PIK3C3: variants seen among roughly 807,000 people sequenced by gnomAD.
PIK3C3 encodes PI3-kinase type 3.
In PIK3C3, 95 loss-of-function variants were observed where a neutral mutation model predicts 126.1. That is an observed-to-expected ratio of 0.75 (90% CI 0.64 to 0.89). The LOEUF is 0.89. Ranked by LOEUF, PIK3C3 falls within the 40% of genes least tolerant of loss-of-function variation. The pLI, the probability that PIK3C3 is intolerant of heterozygous loss-of-function variation, is 0.00. For synonymous variants in PIK3C3, 374 were observed against 360.0 expected, an observed-to-expected ratio of 1.04 and a Z score of -0.44; for missense variants, 829 against 1,063.2, an observed-to-expected ratio of 0.78 and a Z score of 3.06.
At chr18:41,967,874 G>GC (rs1239711477) in intron 3 of PIK3C3, among the ~76,000 whole-genome samples, 4 of 152,194 alleles carry the variant, frequency 2.6e-5, no homozygotes, top group African/African-American at 9.7e-5. Flanking sequence ...ATCAACAGCA[G>GC]CTGTTGCTGG....
chr18:42,020,620 T>C lies in PIK3C3; in HGVS notation c.1417-18T>C. 2 of 1,541,356 alleles carry C rather than the reference T, an allele frequency of 1.3e-6. No homozygotes were observed. The highest frequency in any genetic ancestry group is 1.2e-5 in the South Asian group (1 of 85,670). ...TAGTAGATGATAATATATAATACAT[T>C]TCTTTTAATTCTTTCAGCAAGATCT... On this transcript the variant is annotated intron_variant, in intron 12 of 24. Transcript: ENST00000262039.
chr18:41,960,141 A>G (rs1980005583), intron 2 of PIK3C3, among the ~76,000 whole-genome samples: 1 of 152,320 alleles, frequency 6.6e-6, no homozygotes, highest in African/African-American at 2.4e-5. Context: ...TGAGAGTTCT[A>G]ATAATGAGGA....
At chr18:42,075,987 T>A (rs1985956784) in intron 24 of PIK3C3, among the ~76,000 whole-genome samples, 1 of 148,956 alleles carries the variant, frequency 6.7e-6, no homozygotes, top group Non-Finnish European at 1.5e-5. Context: ...CCATCAGTAC[T>A]GAAAATCTGT....
rs577905413 is a variant in PIK3C3, at chr18:41,994,548, G to A, written c.786+1207G>A. Among the ~76,000 whole-genome samples, 5 of 151,898 alleles carry A rather than the reference G, an allele frequency of 3.3e-5. No individual in the cohort carries two copies. In the East Asian group the frequency reaches 9.7e-4, roughly 29 times the overall value. On this transcript the variant is annotated intron_variant, in intron 7 of 24. Coordinates refer to ENST00000262039, the MANE Select transcript of PIK3C3 (RefSeq NM_002647.4). Reference sequence around the variant, plus strand: ...ACACACATGTGTAAACCAATATACTGGTTGAACAGAATTAAAAGCCCAGAA... The same window carrying A: ...ACACACATGTGTAAACCAATATACTAGTTGAACAGAATTAAAAGCCCAGAA...
chr18:42,050,830 C>T (rs957532894), intron 21 of PIK3C3: 1 of 152,208 alleles, frequency 6.6e-6, no homozygotes. Context: ...CCACTCCTGC[C>T]TCAGACAAGA....
chr18:42,035,412 A>G (rs1173823156), intron 16 of PIK3C3, among the ~76,000 whole-genome samples: 1 of 152,256 alleles, frequency 6.6e-6, no homozygotes, highest in South Asian at 2.1e-4. Flanking sequence ...AGTGGACTAT[A>G]AGAAGATATA....
At chr18:42,055,780 G>T (rs984361394) in intron 21 of PIK3C3, among the ~76,000 whole-genome samples, 1 of 151,968 alleles carries the variant, frequency 6.6e-6, no homozygotes, top group Non-Finnish European at 1.5e-5. Flanking sequence ...TGTTGGACAC[G>T]TTTAATTATT....
At chr18:42,025,951 G>T (rs1048936504) in intron 13 of PIK3C3, 6 of 152,156 alleles carry the variant, frequency 3.9e-5, no homozygotes, top group African/African-American at 1.4e-4. Context: ...TAAGCCCTCA[G>T]CTCTCATGAA....
rs1986237751 is a variant in PIK3C3 at position 42,081,213 on chromosome 18, T to C, written c.*76T>C. 1 of 887,670 alleles carries C rather than the reference T, an allele frequency of 1.1e-6. No homozygotes were observed. Among genetic ancestry groups the C allele is most frequent in the Admixed American group, 2.3e-5 (1 of 43,912 alleles). 55.0% of individuals were successfully genotyped at this position (887,670 alleles called of 1,614,324 possible). On this transcript the variant is annotated 3_prime_UTR_variant, in exon 25 of 25. Coordinates refer to ENST00000262039, the MANE Select transcript of PIK3C3 (RefSeq NM_002647.4). Reference sequence around the variant, plus strand: ...GGAGCAACCTTTGTATATTGGAGACTTCAGAGTAACCAGCAAGGAAGAGAA... The same window carrying C: ...GGAGCAACCTTTGTATATTGGAGACCTCAGAGTAACCAGCAAGGAAGAGAA...
intron 9 of PIK3C3, among the ~76,000 whole-genome samples, chr18:42,000,225 T>C (rs752464414): frequency 6.6e-5 from 10 of 152,078 alleles, no homozygotes; most frequent in Non-Finnish European, 1.5e-4. Context: ...GCTAATTTTG[T>C]CTTTTTAGTA....
chr18:42,067,291 T>C, intron 23 of PIK3C3, 97 bp from the exon 24 acceptor site: 1 of 1,058,042 alleles, frequency 9.5e-7, no homozygotes, highest in South Asian at 1.5e-5. Context: ...TAGGAATAGC[T>C]CATGTTACCT....
At chr18:41,988,337 A>G (rs1040776475) in intron 5 of PIK3C3, among the ~76,000 whole-genome samples, 20 of 152,164 alleles carry the variant, frequency 1.3e-4, no homozygotes, top group African/African-American at 4.6e-4. Context: ...CGCACCCTCT[A>G]TAAAGTTACA....
At chr18:41,982,303 C>G (rs990697179) in intron 4 of PIK3C3, among the ~76,000 whole-genome samples, 1 of 151,882 alleles carries the variant, frequency 6.6e-6, no homozygotes, top group Non-Finnish European at 1.5e-5. Flanking sequence ...TATAGTAGTA[C>G]CAGACATTAT....
Position 42,081,182 on chromosome 18 carries a change from A to C in PIK3C3, c.*45A>C, listed in dbSNP as rs1986236463. ...AGATGCTTGGCTCAATAAGAAAACC[A>C]CGTTAGGAGCAACCTTTGTATATTG... On this transcript the variant is annotated 3_prime_UTR_variant, in exon 25 of 25. Coordinates refer to ENST00000262039, the MANE Select transcript of PIK3C3 (RefSeq NM_002647.4). 1 of 1,433,766 alleles carries C rather than the reference A, an allele frequency of 7.0e-7. No homozygotes were observed. Among genetic ancestry groups the C allele is most frequent in the Admixed American group, 1.7e-5 (1 of 57,742 alleles). 88.8% of individuals were successfully genotyped at this position (1,433,766 alleles called of 1,614,324 possible). A position where few individuals can be genotyped will look rare whatever the true frequency, so the allele number is the denominator to read the frequency against.
In PIK3C3 at chr18:42,067,384, A is replaced by T. The variant is rs150442957; in HGVS notation, c.2524-4A>T. On this transcript the variant is annotated splice_region_variant and splice_polypyrimidine_tract_variant and intron_variant, in intron 23 of 24. Transcript: ENST00000262039. Reference sequence around the variant, plus strand: ...TTGTAAAGACTAAGAGTGTTATCTTATAGGTTCAGGATAAATTCCGCTTAG... The same window carrying T: ...TTGTAAAGACTAAGAGTGTTATCTTTTAGGTTCAGGATAAATTCCGCTTAG... 2.8e-5 allele frequency: 45 copies of T among 1,613,906 alleles called. No homozygotes were observed. The African/African-American group carries it at 5.6e-4, about 20-fold the overall frequency.
At chr18:41,997,813 C>T (rs1381588151) in intron 9 of PIK3C3, among the ~76,000 whole-genome samples, 2 of 151,814 alleles carry the variant, frequency 1.3e-5, no homozygotes, top group African/African-American at 2.4e-5. Context: ...CTTGCATCTA[C>T]GAATTAGAAG....
intron 10 of PIK3C3, among the ~76,000 whole-genome samples, chr18:42,006,369 CAG>C (rs1352290532): frequency 1.3e-5 from 2 of 152,114 alleles, no homozygotes; most frequent in Non-Finnish European, 2.9e-5. Context: ...CAGAAAAAAT[CAG>C]AGTTTTTGTG....
In PIK3C3 at chr18:42,004,549, A is replaced by G. The variant is rs902207617; in HGVS notation, c.1170+8A>G. On this transcript the variant is annotated splice_region_variant and intron_variant, in intron 10 of 24. Transcript: ENST00000262039. ...CGACAGGCCGATGATGAGGTGCATT[A>G]TTATTTATTATTCTGCTTCAATGGG... is the stretch of plus-strand genomic sequence containing the variant. 2.5e-6 allele frequency: 4 copies of G among 1,577,402 alleles called. No homozygotes were observed. The highest frequency in any genetic ancestry group is 2.6e-6 in the Non-Finnish European group (3 of 1,166,758).
intron 12 of PIK3C3, among the ~76,000 whole-genome samples, chr18:42,019,584 G>GT (rs896370986): frequency 6.6e-6 from 1 of 152,006 alleles, no homozygotes; most frequent in Non-Finnish European, 1.5e-5. Flanking sequence ...TTTCTTCTCA[G>GT]TTTCATTTGT....
Sources: allele counts gnomAD v4.1 joint callset (sites outside exome capture counted in the v4.1 genomes callset), GRCh38; gene constraint gnomAD v4.1.1; transcripts MANE v1.5; gene names NCBI Gene and HGNC (gene_info 2026-07-23, HGNC 2026-07-21).